Variants in PLAU observed in about 807,000 individuals in gnomAD.
PLAU encodes the protein urokinase-type plasminogen activator.
PLAU carries 32 observed loss-of-function variants against 48.9 expected under a neutral mutation model. That is an observed-to-expected ratio of 0.65 (90% CI 0.49 to 0.88). PLAU has a LOEUF of 0.88. Among genes scored for constraint, PLAU ranks in the 40% least tolerant of loss-of-function variants. The pLI, the probability that PLAU is intolerant of heterozygous loss-of-function variation, is 0.00. For missense variants in PLAU, 455 were observed against 545.2 expected (o/e 0.83, Z 1.65); for synonymous variants, 199 against 205.7 (o/e 0.97, Z 0.28).
chr10:73,911,983 C>G (rs769535733), intron 2 of PLAU, 58 bp from the exon 3 acceptor site: 2 of 1,614,012 alleles, frequency 1.2e-6, no homozygotes, highest in Non-Finnish European at 8.5e-7. Context: ...TTTACCCTCA[C>G]CCTGGAGTCC....
chr10:73,916,265 A>G (rs1181146738), intron 10 of PLAU, 124 bp from the exon 11 acceptor site: 1 of 840,996 alleles, frequency 1.2e-6, no homozygotes, highest in Non-Finnish European at 1.9e-6. Flanking sequence ...AAGAAAGAAA[A>G]TGGGAAGTCG....
intron 10 of PLAU, among the ~76,000 whole-genome samples, chr10:73,916,028 C>T (rs2096135993): frequency 6.6e-6 from 1 of 151,954 alleles, no homozygotes; most frequent in African/African-American, 2.4e-5. Flanking sequence ...TCACTTGAGG[C>T]CAGGAGTTTG....
chr10:73,912,032 C>T lies in PLAU; in HGVS notation c.58-9C>T, dbSNP rs1229970553. 3.1e-6 allele frequency: 5 copies of T among 1,613,096 alleles called. No homozygotes were observed. Among genetic ancestry groups the T allele is most frequent in the Non-Finnish European group, 8.5e-7 (1 of 1,179,444 alleles). On this transcript the variant is annotated splice_polypyrimidine_tract_variant and intron_variant, in intron 2 of 10. Transcript: ENST00000372764. ...CCTTTGATGAAGCCTCCTCCCGAAT[C>T]TCTTCCAGGGCAGCAATGAACTTCA...
chr10:73,912,375 G>T, intron 4 of PLAU, 53 bp downstream of exon 4: 3 of 1,192,392 alleles, frequency 2.5e-6, no homozygotes, highest in East Asian at 2.4e-5. Context: ...AGGGAGGGAT[G>T]GGTGGGAGGC....
Position 73,916,489 on chromosome 10 carries a change from G to A in PLAU, c.1220G>A (p.Gly407Asp). ...GGATGTGCCCTGAAGGACAAGCCAG[G>A]CGTCTACACGAGAGTCTCACACTTC... ...GRGCALKDKP[G>D]VYTRVSHFLP... Residue 407 changes from glycine to aspartate, a missense_variant, in exon 11 of 11, where the codon GGC (glycine) becomes GAC (aspartate). Transcript: ENST00000372764. The A allele has an allele frequency of 6.2e-7, 1 of 1,613,988 alleles. No homozygotes were observed. Among genetic ancestry groups the A allele is most frequent in the Non-Finnish European group, 8.5e-7 (1 of 1,179,942 alleles).
At chr10:73,912,809 C>T (rs1319930104) in intron 4 of PLAU, 115 bp from the exon 5 acceptor site, 10 of 749,752 alleles carry the variant, frequency 1.3e-5, no homozygotes, top group Non-Finnish European at 1.9e-5. Context: ...TGAGATCACA[C>T]CACTGCACTC....
At chr10:73,915,596 T>C (rs563103946) in intron 10 of PLAU, among the ~76,000 whole-genome samples, 197 bp downstream of exon 10, 1 of 152,222 alleles carries the variant, frequency 6.6e-6, no homozygotes, top group South Asian at 2.1e-4. Context: ...TCTGCGCTAG[T>C]CACTTCAGAC....
rs774154847 is a variant in PLAU, at chr10:73,913,754, T to C, written c.676T>C (p.Phe226Leu). The change falls in exon 7 of 11, where the codon TTC becomes CTC. Residue 226 changes from phenylalanine to leucine, a missense_variant. Physicochemically the swap from Phe to Leu is conservative, Grantham distance 22 (BLOSUM62 0). Coordinates refer to ENST00000372764, the MANE Select transcript of PLAU (RefSeq NM_002658.6). ...PCWVISATHC[F>L]IDYPKKEDYI... ...CTGGGTGATCAGCGCCACACACTGC[T>C]TCATGTACGGCCCTGGGTTTCTCCT... 6.3e-7 allele frequency: 1 copy of C among 1,589,938 alleles called. No homozygotes were observed. Among genetic ancestry groups the C allele is most frequent in the South Asian group, 1.1e-5 (1 of 88,566 alleles).
intron 3 of PLAU, 33 bp from the exon 4 acceptor site, chr10:73,912,182 C>T: frequency 8.1e-6 from 13 of 1,614,120 alleles, no homozygotes; most frequent in Non-Finnish European, 1.0e-5. Flanking sequence ...CACTTCCACT[C>T]CCCCTCGCTT....
rs773330520 is a variant in PLAU at position 73,916,584 on chromosome 10, C to G, written c.*19C>G. 10 of 1,589,388 alleles carry G rather than the reference C, an allele frequency of 6.3e-6. No homozygotes were observed. The highest frequency in any genetic ancestry group is 1.1e-5 in the South Asian group (1 of 89,538). On this transcript the variant is annotated 3_prime_UTR_variant, in exon 11 of 11. Coordinates refer to ENST00000372764, the MANE Select transcript of PLAU (RefSeq NM_002658.6). ...CCTCTGAGGGTCCCCAGGGAGGAAA[C>G]GGGCACCACCCGCTTTCTTGCTGGT...
upstream of PLAU, among the ~76,000 whole-genome samples, chr10:73,909,457 G>T (rs146594608): frequency 2.0e-4 from 31 of 152,336 alleles, 1 homozygote; most frequent in African/African-American, 3.4e-4. Context: ...CCCCTGGAAG[G>T]CTGGCAGCTC....
At chr10:73,916,106 T>C (rs2096136181) in intron 10 of PLAU, among the ~76,000 whole-genome samples, 1 of 151,946 alleles carries the variant, frequency 6.6e-6, no homozygotes, top group Non-Finnish European at 1.5e-5. Flanking sequence ...TAGCCAGGTG[T>C]GGTGGTGCCT....
upstream of PLAU, among the ~76,000 whole-genome samples, chr10:73,909,467 C>T (rs2096120416): frequency 6.6e-6 from 1 of 152,222 alleles, no homozygotes; most frequent in Non-Finnish European, 1.5e-5. Context: ...GCTGGCAGCT[C>T]AGCAAGCACA....
intron 8 of PLAU, 62 bp from the exon 9 acceptor site, chr10:73,914,714 G>T (rs898727246): frequency 2.0e-6 from 3 of 1,529,240 alleles, no homozygotes; most frequent in Non-Finnish European, 1.8e-6. Context: ...ACTTGGAGGG[G>T]ACAGATGGGG....
rs2096128191 is a variant in PLAU, at chr10:73,913,073, G to C, written c.343G>C (p.Gly115Arg). The change falls in exon 5 of 11, where the codon GGC becomes CGC. Residue 115 changes from glycine to arginine, a missense_variant. Transcript: ENST00000372764. ...HAHRSDALQL[G>R]LGKHNYCRNP... ...CCACAGATCTGATGCTCTTCAGCTG[G>C]GCCTGGGGAAACATAATTACTGCAG... The C allele has an allele frequency of 6.2e-7, 1 of 1,613,746 alleles. No homozygotes were observed. Among genetic ancestry groups the C allele is most frequent in the Non-Finnish European group, 8.5e-7 (1 of 1,179,934 alleles).
In PLAU at chr10:73,912,292, A is replaced by G. The variant is rs147372618; in HGVS notation, c.163A>G (p.Lys55Glu). Residue 55 changes from lysine to glutamate, a missense_variant, in exon 4 of 11, where the codon AAG becomes GAG. Physicochemically the swap from Lys to Glu is moderately conservative, Grantham distance 56. Transcript: ENST00000372764. ...CAACATTCACTGGTGCAACTGCCCAAAGAAATTCGGAGGGCAGCACTGTGA... is the reference window on the plus strand; with the variant it reads ...CAACATTCACTGGTGCAACTGCCCAGAGAAATTCGGAGGGCAGCACTGTGA... The part of the protein sequence containing the change: ...FSNIHWCNCP[K>E]KFGGQHCEID... 5.9e-5 allele frequency: 96 copies of G among 1,613,786 alleles called. No homozygotes were observed. Among genetic ancestry groups the G allele is most frequent in the African/African-American group, 2.7e-5 (2 of 74,910 alleles).
In PLAU at chr10:73,912,940, C is replaced by A; in HGVS notation, c.210C>A (p.Cys70Ter). ...CCCTTGTAGATAAGTCAAAAACCTG[C>A]TATGAGGGGAATGGTCACTTTTACC... ...QHCEIDKSKT[C>*]YEGNGHFYRG... is the part of the protein sequence containing the mutation. Residue 70 changes from cysteine to a stop codon, truncating the protein, a stop_gained, in exon 5 of 11, where the codon TGC becomes TGA. Transcript: ENST00000372764. LOFTEE classifies it high-confidence loss of function. The A allele has an allele frequency of 6.2e-7, 1 of 1,612,740 alleles. No homozygotes were observed. Among genetic ancestry groups the A allele is most frequent in the Non-Finnish European group, 8.5e-7 (1 of 1,179,322 alleles).
intron 10 of PLAU, 43 bp downstream of exon 10, chr10:73,915,442 C>A (rs897503403): frequency 1.3e-6 from 2 of 1,546,516 alleles, no homozygotes; most frequent in Non-Finnish European, 1.7e-6. Flanking sequence ...CCATATCTCC[C>A]CAGAGCTCCT....
chr10:73,912,319 A>T lies in PLAU; in HGVS notation c.190A>T (p.Ile64Leu), dbSNP rs1450169805. The change falls in exon 4 of 11, where the codon ATA (isoleucine) becomes TTA (leucine). Residue 64 changes from isoleucine (I) to leucine (L), a missense_variant. By Grantham distance (5) the Ile-to-Leu change is conservative. Transcript: ENST00000372764. Reference sequence around the variant, plus strand: ...GAAATTCGGAGGGCAGCACTGTGAAATAGGTATGGGGATCTCCACTGCAAC... The same window carrying T: ...GAAATTCGGAGGGCAGCACTGTGAATTAGGTATGGGGATCTCCACTGCAAC... ...PKKFGGQHCE[I>L]DKSKTCYEGN... 2 of 1,372,188 alleles carry T rather than the reference A, an allele frequency of 1.5e-6. No individual in the cohort carries two copies. Among genetic ancestry groups the T allele is most frequent in the Non-Finnish European group, 1.9e-6 (2 of 1,028,258 alleles). 85.0% of individuals were successfully genotyped at this position (1,372,188 alleles called of 1,614,324 possible). A position where few individuals can be genotyped will look rare whatever the true frequency, so the allele number is the denominator to read the frequency against.
Sources: gnomAD v4.1 joint callset for allele counts (sites outside exome capture counted in the v4.1 genomes callset) on GRCh38, gnomAD v4.1.1 for gene constraint, MANE v1.5 for transcripts, NCBI Gene and HGNC (gene_info 2026-07-23, HGNC 2026-07-21) for gene names.